NEDD1: variants seen among roughly 807,000 people sequenced by gnomAD.
NEDD1 encodes NEDD1 gamma-tubulin ring complex targeting factor.
In NEDD1, 33 loss-of-function variants were observed where a neutral mutation model predicts 74.0. The ratio of observed to expected loss-of-function variants is 0.45; its 90% CI spans 0.34 to 0.60. NEDD1 has a LOEUF of 0.60. NEDD1 is among the 20% of genes least tolerant of loss of function. The pLI is 0.01. For missense variants in NEDD1, 746 were observed against 776.5 expected, an observed-to-expected ratio of 0.96 and a Z score of 0.47; for synonymous variants, 250 against 264.4, an observed-to-expected ratio of 0.95 and a Z score of 0.53.
intron 12 of NEDD1, 45 bp downstream of exon 12, chr12:96,943,807 A>T (rs371627906): frequency 3.1e-5 from 41 of 1,319,038 alleles, no homozygotes; most frequent in Non-Finnish European, 4.3e-5. Flanking sequence ...TGTGTTTATC[A>T]GTAGAAAGTG....
In NEDD1 at chr12:96,937,335, A is replaced by G. The variant is rs140732441; in HGVS notation, c.1059A>G (p.Leu353=). The part of the protein sequence containing the change: ...EAPATSIATV[L]PQPMTSAMGK... Reference sequence around the variant, plus strand: ...CTGCCACGTCCATTGCCACAGTTCTACCACAACCTATGACATCAGCTATGG... The same window carrying G: ...CTGCCACGTCCATTGCCACAGTTCTGCCACAACCTATGACATCAGCTATGG... Residue 353 remains leucine (L), a synonymous_variant, in exon 9 of 16, where the codon CTA becomes CTG. Transcript: ENST00000266742. 156 of 1,612,352 alleles carry G rather than the reference A, an allele frequency of 9.7e-5. 2 individuals carry two copies. The highest frequency in any genetic ancestry group is 6.2e-4 in the Admixed American group (37 of 59,812).
chr12:96,936,351 C>A (rs1877086266), intron 7 of NEDD1, among the ~76,000 whole-genome samples: 1 of 151,704 alleles, frequency 6.6e-6, no homozygotes. Flanking sequence ...GGTGCTGCTT[C>A]TATAAGATGC....
intron 6 of NEDD1, among the ~76,000 whole-genome samples, 171 bp downstream of exon 6, chr12:96,920,296 G>T (rs188862384): frequency 2.0e-4 from 31 of 151,276 alleles, no homozygotes; most frequent in African/African-American, 7.5e-4. Flanking sequence ...CTAGATTATG[G>T]TGCTTATATA....
intron 6 of NEDD1, among the ~76,000 whole-genome samples, chr12:96,934,006 C>T (rs575359839): frequency 2.0e-5 from 3 of 152,220 alleles, no homozygotes; most frequent in South Asian, 2.1e-4. Flanking sequence ...AGAGAAAGGC[C>T]AGCATTGCCC....
At chr12:96,931,320 AAAT>A (rs1467428015) in intron 6 of NEDD1, among the ~76,000 whole-genome samples, 4 of 152,216 alleles carry the variant, frequency 2.6e-5, no homozygotes, top group African/African-American at 9.6e-5. Flanking sequence ...TGATAAATAT[AAAT>A]ATATAAAAAT....
chr12:96,938,338 C>T (rs1410950246), intron 9 of NEDD1, among the ~76,000 whole-genome samples: 1 of 151,960 alleles, frequency 6.6e-6, no homozygotes, highest in Non-Finnish European at 1.5e-5. Context: ...CAACTGATAT[C>T]TACTTAAGGA....
chr12:96,945,849 G>GA lies in NEDD1; in HGVS notation c.1811_1811+1insA (p.Glu605ArgfsTer5). On this transcript the variant is annotated frameshift_variant and splice_region_variant. Coordinates refer to ENST00000266742, the MANE Select transcript of NEDD1 (RefSeq NM_152905.4). LOFTEE classifies it high-confidence loss of function. ...ATACAGGAAACGTTGGATGACTTTA[G>GA]GTAGTAATTGAGAAACTACTCCTTC... The GA allele has an allele frequency of 6.3e-7, 1 of 1,599,424 alleles. No individual in the cohort carries two copies. The highest frequency in any genetic ancestry group is 8.6e-7 in the Non-Finnish European group (1 of 1,168,678).
chr12:96,923,597 T>C (rs574418275), intron 6 of NEDD1, among the ~76,000 whole-genome samples: 1 of 152,330 alleles, frequency 6.6e-6, no homozygotes, highest in Admixed American at 6.5e-5. Context: ...TGAATGATGT[T>C]AAGTATATTT....
In NEDD1 at chr12:96,934,671, G is replaced by A. The variant is rs141565734; in HGVS notation, c.490-305G>A. Reference sequence around the variant, plus strand: ...TCTTGCCTCAGCCTCCCAAGTAGCTGTAATTACAGGCGCCTGCCACCATGC... The same window carrying A: ...TCTTGCCTCAGCCTCCCAAGTAGCTATAATTACAGGCGCCTGCCACCATGC... On this transcript the variant is annotated intron_variant, in intron 6 of 15. Transcript: ENST00000266742. Among the ~76,000 whole-genome samples the A allele has an allele frequency of 6.3e-4, 96 of 152,120 alleles. No individual in the cohort carries two copies. In the East Asian group the frequency reaches 0.017, roughly 27 times the overall value.
intron 14 of NEDD1, among the ~76,000 whole-genome samples, chr12:96,947,660 T>C (rs1431293512): frequency 6.6e-6 from 1 of 152,208 alleles, no homozygotes; most frequent in Non-Finnish European, 1.5e-5. Context: ...GACCCAGGGA[T>C]CTGAGTGCTG....
Position 96,921,662 on chromosome 12 carries a change from A to AT in NEDD1, c.489+1548dup, listed in dbSNP as rs57918937. 2.0e-3 allele frequency among the ~76,000 whole-genome samples: 296 copies of AT among 149,276 alleles called. 1 individual carries two copies. The highest frequency in any genetic ancestry group is 2.7e-3 in the African/African-American group (110 of 40,746). On this transcript the variant is annotated intron_variant, in intron 6 of 15. Coordinates refer to ENST00000266742, the MANE Select transcript of NEDD1 (RefSeq NM_152905.4). ...GCAAATATAAAGCTTTAGAAGAGGGATTTTTTTTTTTCTTTCTTAGAGAGT... is the reference window on the plus strand; with the variant it reads ...GCAAATATAAAGCTTTAGAAGAGGGATTTTTTTTTTTTCTTTCTTAGAGAGT...
chr12:96,950,100 G>T (rs1878566621), intron 14 of NEDD1, among the ~76,000 whole-genome samples: 1 of 151,946 alleles, frequency 6.6e-6, no homozygotes, highest in Non-Finnish European at 1.5e-5. Flanking sequence ...ATCAGATTAT[G>T]TAAAGAATGC....
intron 6 of NEDD1, among the ~76,000 whole-genome samples, chr12:96,932,919 C>G (rs1876701279): frequency 6.6e-6 from 1 of 151,234 alleles, no homozygotes; most frequent in African/African-American, 2.4e-5. Flanking sequence ...TTAAGTAATT[C>G]ACCTAAATCA....
At chr12:96,932,463 A>AAAATATAAATATATATATATAT in intron 6 of NEDD1, among the ~76,000 whole-genome samples, 1 of 9,438 alleles carries the variant, frequency 1.1e-4, no homozygotes, top group Non-Finnish European at 2.0e-4. Flanking sequence ...AAAAAAAAAA[A>AAAATATAAATATATATATATAT]ATATATATAT....
intron 9 of NEDD1, among the ~76,000 whole-genome samples, chr12:96,938,206 T>C (rs903804559): frequency 2.6e-5 from 4 of 152,036 alleles, no homozygotes; most frequent in African/African-American, 9.7e-5. Flanking sequence ...TGTGGAGTAG[T>C]ATTTTAAAGT....
chr12:96,923,904 T>C (rs1875404900), intron 6 of NEDD1, among the ~76,000 whole-genome samples: 1 of 151,982 alleles, frequency 6.6e-6, no homozygotes, highest in Non-Finnish European at 1.5e-5. Flanking sequence ...AAGTCTCATA[T>C]GTCAGTCTTT....
At position 96,953,195 on chromosome 12, in the gene NEDD1, G is replaced by T; in HGVS notation, c.*1142G>T. 1 of 148,068 alleles carries T rather than the reference G, an allele frequency of 6.8e-6. No homozygotes were observed. 9.2% of individuals were successfully genotyped at this position (148,068 alleles called of 1,614,324 possible). A position where few individuals can be genotyped will look rare whatever the true frequency, so the allele number is the denominator to read the frequency against. Reference sequence around the variant, plus strand: ...CCCCATTTTGACTTCTGAGATGAAAGTATTTACTAAAATTAAAAAAAAAAA... The same window carrying T: ...CCCCATTTTGACTTCTGAGATGAAATTATTTACTAAAATTAAAAAAAAAAA... On this transcript the variant is annotated 3_prime_UTR_variant, in exon 16 of 16. Transcript: ENST00000266742.
intron 14 of NEDD1, among the ~76,000 whole-genome samples, chr12:96,947,485 G>A (rs1424385013): frequency 6.6e-6 from 1 of 152,214 alleles, no homozygotes; most frequent in Non-Finnish European, 1.5e-5. Flanking sequence ...GGACAGTTGT[G>A]AAGGTCTTAA....
At chr12:96,907,336 C>A in intron 1 of NEDD1, 36 bp downstream of exon 1, 1 of 380,718 alleles carries the variant, frequency 2.6e-6, no homozygotes, top group Non-Finnish European at 4.6e-6. Flanking sequence ...AGCGGGCCCC[C>A]GCCCGCCGCG....
Sources: allele counts gnomAD v4.1 joint callset (sites outside exome capture counted in the v4.1 genomes callset), GRCh38; gene constraint gnomAD v4.1.1; transcripts MANE v1.5; gene names NCBI Gene and HGNC (gene_info 2026-07-23, HGNC 2026-07-21).